The following INPP4B variants were observed in gnomAD, a reference collection of about 807,000 sequenced individuals.
The protein encoded by INPP4B is inositol polyphosphate 4-phosphatase type II.
INPP4B carries 55 observed loss-of-function variants against 122.5 expected under a neutral mutation model. The ratio of observed to expected loss-of-function variants is 0.45; its 90% CI spans 0.36 to 0.56. INPP4B has a LOEUF of 0.56. Ranked by LOEUF, INPP4B falls within the 20% of genes least tolerant of loss-of-function variation. The pLI, the probability that INPP4B is intolerant of heterozygous loss-of-function variation, is 0.00. For missense variants in INPP4B, 1,000 were observed against 1,097.7 expected, an observed-to-expected ratio of 0.91 and a Z score of 1.26; for synonymous variants, 403 against 388.7, an observed-to-expected ratio of 1.04 and a Z score of -0.43.
intron 2 of INPP4B, chr4:142,518,661 C>T (rs1825711275): frequency 6.6e-6 from 1 of 152,130 alleles, no homozygotes; most frequent in Non-Finnish European, 1.5e-5. Flanking sequence ...TTATAAAACT[C>T]ACTGTTGCTT....
chr4:142,182,014 C>A (rs1388305482), intron 15 of INPP4B, among the ~76,000 whole-genome samples: 3 of 152,150 alleles, frequency 2.0e-5, no homozygotes, highest in African/African-American at 7.2e-5. Flanking sequence ...ATAGCAAAAT[C>A]CCTTCCTAAG....
At chr4:142,500,005 T>TA (rs1361893929) in intron 2 of INPP4B, among the ~76,000 whole-genome samples, 2 of 152,004 alleles carry the variant, frequency 1.3e-5, no homozygotes, top group Non-Finnish European at 2.9e-5. Context: ...GTAAGAGAAA[T>TA]AGAGAGGATT....
intron 9 of INPP4B, among the ~76,000 whole-genome samples, chr4:142,293,913 A>G (rs956816294): frequency 2.6e-5 from 4 of 152,228 alleles, no homozygotes; most frequent in African/African-American, 9.6e-5. Flanking sequence ...ACTGGAGGCC[A>G]TTATCTTAAG....
intron 25 of INPP4B, among the ~76,000 whole-genome samples, chr4:142,072,426 A>G (rs1247657958): frequency 6.6e-6 from 1 of 151,958 alleles, no homozygotes; most frequent in Non-Finnish European, 1.5e-5. Flanking sequence ...ATGTATACAT[A>G]TGTAACTAAC....
chr4:142,656,198 G>A (rs570132075), intron 2 of INPP4B, among the ~76,000 whole-genome samples: 2 of 152,232 alleles, frequency 1.3e-5, no homozygotes, highest in Admixed American at 1.3e-4. Context: ...GAGAGACTCT[G>A]GCCAGTTTGC....
rs1408052367 is a variant in INPP4B, at chr4:142,359,096, G to C, written c.372+43842C>G. Among the ~76,000 whole-genome samples the C allele has an allele frequency of 2.6e-5, 4 of 152,050 alleles. No individual in the cohort carries two copies. In the East Asian group the frequency reaches 7.8e-4, roughly 30 times the overall value. Reference sequence around the variant, plus strand: ...CTGTGGAGGAGCTGTATAGAAAGTAGCTGTTTGCTGGTACATATCATATTG... The same window carrying C: ...CTGTGGAGGAGCTGTATAGAAAGTACCTGTTTGCTGGTACATATCATATTG... On this transcript the variant is annotated intron_variant, in intron 7 of 25. Coordinates refer to ENST00000262992, the MANE Select transcript of INPP4B (RefSeq NM_001101669.3).
intron 11 of INPP4B, among the ~76,000 whole-genome samples, chr4:142,240,519 T>C (rs1858835138): frequency 6.6e-6 from 1 of 152,146 alleles, no homozygotes. Flanking sequence ...AAAATACTTG[T>C]AACAATTTAA....
chr4:142,395,678 T>C (rs1006169126), intron 7 of INPP4B, among the ~76,000 whole-genome samples: 4 of 151,956 alleles, frequency 2.6e-5, no homozygotes, highest in Non-Finnish European at 4.4e-5. Context: ...AGTATATGAG[T>C]GGATAAAGAA....
intron 7 of INPP4B, among the ~76,000 whole-genome samples, chr4:142,374,271 C>T (rs1791018358): frequency 6.6e-6 from 1 of 151,876 alleles, no homozygotes. Context: ...AACCCTGATT[C>T]AGGTGAGCCA....
intron 3 of INPP4B, among the ~76,000 whole-genome samples, chr4:142,458,684 T>C (rs975519946): frequency 8.5e-5 from 13 of 152,180 alleles, no homozygotes; most frequent in Admixed American, 3.9e-4. Flanking sequence ...CACTCATCTA[T>C]AAAGGAGCCA....
intron 10 of INPP4B, among the ~76,000 whole-genome samples, chr4:142,268,349 A>AAAAAAAAAAAAAAAAAAAGGG (rs1579529886): frequency 7.0e-6 from 1 of 142,880 alleles, no homozygotes; most frequent in Admixed American, 7.1e-5. Flanking sequence ...AAAAAAAATG[A>AAAAAAAAAAAAAAAAAAAGGG]GGGGTAAGTA....
chr4:142,085,397 A>G (rs1244374120), intron 24 of INPP4B, among the ~76,000 whole-genome samples: 1 of 152,246 alleles, frequency 6.6e-6, no homozygotes, highest in Non-Finnish European at 1.5e-5. Flanking sequence ...TTTATCATAA[A>G]GATCTTTAAC....
intron 12 of INPP4B, among the ~76,000 whole-genome samples, chr4:142,223,861 T>C (rs1850407265): frequency 6.6e-6 from 1 of 152,206 alleles, no homozygotes; most frequent in Non-Finnish European, 1.5e-5. Context: ...GGATCCTTCG[T>C]TCTTTGTTCT....
Position 142,746,148 on chromosome 4 carries a change from T to G in INPP4B, c.-253-20247A>C, listed in dbSNP as rs141832283. The stretch of plus-strand genomic sequence containing the variant: ...CAACAAATACTACACACACATTCTC[T>G]TTAAAAACACATGGGATATTCATCA... On this transcript the variant is annotated intron_variant, in intron 1 of 25. Transcript: ENST00000262992. Among the ~76,000 whole-genome samples the G allele has an allele frequency of 2.0e-5, 3 of 152,104 alleles. No homozygotes were observed. The East Asian group carries it at 5.8e-4, about 29-fold the overall frequency.
At chr4:142,776,546 T>C (rs1358954261) in intron 1 of INPP4B, among the ~76,000 whole-genome samples, 1 of 152,136 alleles carries the variant, frequency 6.6e-6, no homozygotes, top group Non-Finnish European at 1.5e-5. Context: ...CCAGGAACTA[T>C]AGAATATTCC....
intron 2 of INPP4B, among the ~76,000 whole-genome samples, chr4:142,716,627 T>C (rs1763807679): frequency 6.6e-6 from 1 of 152,218 alleles, no homozygotes; most frequent in African/African-American, 2.4e-5. Flanking sequence ...GCCCAATCCT[T>C]GCAGAATCAC....
chr4:142,617,632 C>T (rs1030200778), intron 2 of INPP4B, among the ~76,000 whole-genome samples: 12 of 152,084 alleles, frequency 7.9e-5, no homozygotes, highest in Admixed American at 1.3e-4. Flanking sequence ...CAATAAACAA[C>T]GAGCTGGCAT....
At chr4:142,303,101 T>C (rs962220817) in intron 9 of INPP4B, among the ~76,000 whole-genome samples, 1 of 152,164 alleles carries the variant, frequency 6.6e-6, no homozygotes, top group African/African-American at 2.4e-5. Flanking sequence ...GCACATGTCT[T>C]GTTCCTTTAA....
At chr4:142,496,945 G>A (rs1028128822) in intron 2 of INPP4B, 2 of 66,690 alleles carry the variant, frequency 3.0e-5, no homozygotes, top group African/African-American at 8.1e-5. Flanking sequence ...CTGGCAAATA[G>A]CTAAAAAAAA....
Sources: allele counts gnomAD v4.1 joint callset (sites outside exome capture counted in the v4.1 genomes callset), GRCh38; gene constraint gnomAD v4.1.1; transcripts MANE v1.5; gene names NCBI Gene and HGNC (gene_info 2026-07-23, HGNC 2026-07-21).